ADGRL3: variants seen among roughly 807,000 people sequenced by gnomAD.
The protein encoded by ADGRL3 is adhesion G protein-coupled receptor L3, also known as calcium-independent alpha-latrotoxin receptor 3.
ADGRL3 carries 62 observed loss-of-function variants against 153.5 expected under a neutral mutation model. The observed-to-expected ratio is 0.40, with a 90% confidence interval of 0.33 to 0.50. The LOEUF (loss-of-function observed/expected upper bound fraction) is 0.50, where lower values mean the gene tolerates loss of function less well. Among genes scored for constraint, ADGRL3 ranks in the 20% least tolerant of loss-of-function variants. The pLI is 0.47. For synonymous variants in ADGRL3, 710 were observed against 672.5 expected (o/e 1.06, Z -0.86); for missense variants, 1,641 against 1,859.4 (o/e 0.88, Z 2.16).
chr4:61,825,558 G>A (rs930569687), intron 9 of ADGRL3, among the ~76,000 whole-genome samples: 53 of 152,102 alleles, frequency 3.5e-4, no homozygotes, highest in African/African-American at 1.2e-3. Context: ...TATTTGAGTT[G>A]TGAATGGCTA....
intron 3 of ADGRL3, among the ~76,000 whole-genome samples, chr4:61,506,449 A>C (rs2098429433): frequency 6.6e-6 from 1 of 152,098 alleles, no homozygotes; most frequent in Non-Finnish European, 1.5e-5. Context: ...ACGTTTGTAC[A>C]CACATCCCAT....
intron 6 of ADGRL3, among the ~76,000 whole-genome samples, chr4:61,685,551 C>CTCATT (rs2095427038): frequency 6.6e-6 from 1 of 151,968 alleles, no homozygotes. Context: ...ACGAGATAGG[C>CTCATT]CAAGAGTCTG....
At chr4:61,238,442 G>GGT (rs3065319) in intron 1 of ADGRL3, among the ~76,000 whole-genome samples, 35,781 of 147,412 alleles carry the variant, frequency 0.24, 4,310 homozygotes, top group East Asian at 0.41. Context: ...TCTAATGTGT[G>GGT]GTGTGTGTGT....
chr4:61,208,825 A>G (rs961307129), intron 1 of ADGRL3, among the ~76,000 whole-genome samples: 2 of 152,140 alleles, frequency 1.3e-5, no homozygotes, highest in Non-Finnish European at 2.9e-5. Flanking sequence ...ATGACTCACT[A>G]TACTCTTAAT....
intron 4 of ADGRL3, 89 bp from the exon 5 acceptor site, chr4:61,587,138 T>C (rs1456757596): frequency 4.0e-6 from 3 of 746,134 alleles, no homozygotes; most frequent in Non-Finnish European, 4.4e-6. Flanking sequence ...CGTATTGATT[T>C]ACCCCAAACA....
chr4:61,401,655 C>T (rs2096931509), intron 2 of ADGRL3, among the ~76,000 whole-genome samples: 1 of 151,718 alleles, frequency 6.6e-6, no homozygotes, highest in Admixed American at 6.6e-5. Context: ...GTATTTTTGT[C>T]AAAAATAAGT....
chr4:61,914,167 G>A (rs902152177), intron 13 of ADGRL3, among the ~76,000 whole-genome samples: 5 of 152,090 alleles, frequency 3.3e-5, no homozygotes, highest in Admixed American at 2.6e-4. Flanking sequence ...TGATCACTTT[G>A]ATTGGATTTG....
chr4:61,952,204 G>A (rs1392454994), intron 17 of ADGRL3, among the ~76,000 whole-genome samples: 2 of 152,048 alleles, frequency 1.3e-5, no homozygotes, highest in Non-Finnish European at 2.9e-5. Flanking sequence ...GACCAGGCGT[G>A]GTGGCTTACA....
intron 21 of ADGRL3, among the ~76,000 whole-genome samples, chr4:62,027,011 A>G (rs1013957257): frequency 2.6e-5 from 4 of 152,040 alleles, no homozygotes; most frequent in Non-Finnish European, 5.9e-5. Context: ...CTATGTGTCA[A>G]CCTCTGTAAC....
intron 2 of ADGRL3, among the ~76,000 whole-genome samples, chr4:61,456,464 GATATATCTATATCTATATA>G (rs2097754954): frequency 9.8e-6 from 1 of 101,778 alleles, no homozygotes; most frequent in African/African-American, 4.1e-5. Flanking sequence ...TATATATATA[GATATATCTATATCTATATA>G]TATAGATATA....
At chr4:61,496,166 T>C (rs1203922022) in intron 2 of ADGRL3, among the ~76,000 whole-genome samples, 5 of 152,190 alleles carry the variant, frequency 3.3e-5, no homozygotes, top group Non-Finnish European at 2.9e-5. Flanking sequence ...GTAGTTAATA[T>C]GTAGAATAAT....
chr4:61,729,486 C>A lies in ADGRL3; in HGVS notation c.584-1136C>A, dbSNP rs1017823900. Among the ~76,000 whole-genome samples the A allele has an allele frequency of 4.6e-5, 7 of 151,932 alleles. No homozygotes were observed. The East Asian group carries it at 1.2e-3, about 25-fold the overall frequency. On this transcript the variant is annotated intron_variant, in intron 6 of 26. Coordinates refer to ENST00000683033, the MANE Select transcript of ADGRL3 (RefSeq NM_001387552.1). ...ATCACCCAAATGTAATTATGCCAAA[C>A]AGTATTTCTCACTTGTTTTTGAAAC...
intron 2 of ADGRL3, among the ~76,000 whole-genome samples, chr4:61,385,133 A>T (rs532500510): frequency 6.6e-6 from 1 of 152,232 alleles, no homozygotes; most frequent in Non-Finnish European, 1.5e-5. Flanking sequence ...AATCCCTATG[A>T]TTTCTCCATA....
rs908282035 is a variant in ADGRL3 at position 61,672,196 on chromosome 4, G to C, written c.474-4630G>C. On this transcript the variant is annotated intron_variant, in intron 5 of 26. Transcript: ENST00000683033. ...AGTTTTATAGTTTTAGGTTTTACCT[G>C]TAAATCTTTAATCCATTTGAGTTGG... is the stretch of plus-strand genomic sequence containing the variant. Among the ~76,000 whole-genome samples, 40 of 152,060 alleles carry C rather than the reference G, an allele frequency of 2.6e-4. 1 individual carries two copies. Among genetic ancestry groups the C allele is most frequent in the Non-Finnish European group, 1.9e-4 (13 of 67,988 alleles).
intron 13 of ADGRL3, among the ~76,000 whole-genome samples, chr4:61,922,746 C>G (rs2098775700): frequency 6.6e-6 from 1 of 152,294 alleles, no homozygotes; most frequent in East Asian, 1.9e-4. Flanking sequence ...CATTCAGACA[C>G]TGTTTCAGGT....
chr4:61,376,619 A>G (rs2151832638), intron 1 of ADGRL3, among the ~76,000 whole-genome samples: 1 of 152,094 alleles, frequency 6.6e-6, no homozygotes, highest in East Asian at 1.9e-4. Context: ...TTTGTACTGA[A>G]TCGTTTTCTA....
intron 4 of ADGRL3, among the ~76,000 whole-genome samples, chr4:61,572,241 A>T (rs774526981): frequency 3.3e-5 from 5 of 152,148 alleles, no homozygotes; most frequent in Non-Finnish European, 5.9e-5. Context: ...TAAAAGTGCA[A>T]ATATTATCCC....
At chr4:61,955,780 T>C (rs1403890545) in intron 17 of ADGRL3, among the ~76,000 whole-genome samples, 1 of 152,122 alleles carries the variant, frequency 6.6e-6, no homozygotes, top group Admixed American at 6.6e-5. Flanking sequence ...AGTGAGAACA[T>C]GCAGTGTTTG....
chr4:61,790,743 A>G (rs1393019144), intron 8 of ADGRL3, among the ~76,000 whole-genome samples: 3 of 152,206 alleles, frequency 2.0e-5, no homozygotes, highest in South Asian at 4.1e-4. Flanking sequence ...TGGGCAATTT[A>G]TAAAAGAAAG....
Sources: allele counts gnomAD v4.1 joint callset (sites outside exome capture counted in the v4.1 genomes callset), GRCh38; gene constraint gnomAD v4.1.1; transcripts MANE v1.5; gene names NCBI Gene and HGNC (gene_info 2026-07-23, HGNC 2026-07-21).